EFTUD2: variants seen among roughly 807,000 people sequenced by gnomAD.
The protein encoded by EFTUD2 is 116 kDa U5 small nuclear ribonucleoprotein component.
In EFTUD2, 9 loss-of-function variants were observed where a neutral mutation model predicts 114.3. That is an observed-to-expected ratio of 0.08 (90% CI 0.05 to 0.14). The LOEUF (loss-of-function observed/expected upper bound fraction) is 0.14, where lower values mean the gene tolerates loss of function less well. Among genes scored for constraint, EFTUD2 ranks in the 10% least tolerant of loss-of-function variants. EFTUD2 has a pLI of 1.00. For missense variants in EFTUD2, 765 were observed against 1,241.2 expected (o/e 0.62, Z 5.76); for synonymous variants, 449 against 462.3 (o/e 0.97, Z 0.37).
chr17:44,874,198 C>T (rs745752467), intron 10 of EFTUD2, among the ~76,000 whole-genome samples: 1 of 151,830 alleles, frequency 6.6e-6, no homozygotes, highest in Non-Finnish European at 1.5e-5. Flanking sequence ...CATGCCAGCA[C>T]GCCAAGCTAA....
intron 10 of EFTUD2, 63 bp downstream of exon 10, chr17:44,875,871 G>A: frequency 6.4e-7 from 1 of 1,566,810 alleles, no homozygotes; most frequent in Non-Finnish European, 8.7e-7. Context: ...TGTTCCCAGA[G>A]GTATTCAGGG....
chr17:44,881,726 A>G lies in EFTUD2; in HGVS notation c.493-4T>C. ...AGAGGATGTCAGTATAGCACAGCTG[A>G]AAAAAAATTAACTGTTGTTACCACC... On this transcript the variant is annotated splice_polypyrimidine_tract_variant and splice_region_variant and intron_variant, in intron 6 of 27. Coordinates refer to ENST00000426333, the MANE Select transcript of EFTUD2 (RefSeq NM_004247.4). The G allele has an allele frequency of 6.2e-7, 1 of 1,612,576 alleles. No homozygotes were observed. The highest frequency in any genetic ancestry group is 8.5e-7 in the Non-Finnish European group (1 of 1,178,960).
intron 2 of EFTUD2, among the ~76,000 whole-genome samples, chr17:44,892,906 G>C (rs1009403339): frequency 6.6e-6 from 1 of 151,688 alleles, no homozygotes; most frequent in Non-Finnish European, 1.5e-5. Context: ...GGAATTACAG[G>C]CGTAAGCCAC....
intron 18 of EFTUD2, chr17:44,859,455 T>C (rs1431866892): frequency 5.5e-6 from 3 of 540,814 alleles, no homozygotes; most frequent in Admixed American, 3.1e-5. Context: ...CCTATACCCA[T>C]GGACATAAGC....
intron 9 of EFTUD2, among the ~76,000 whole-genome samples, chr17:44,878,455 T>C (rs777460919): frequency 6.6e-6 from 1 of 152,192 alleles, no homozygotes; most frequent in Non-Finnish European, 1.5e-5. Flanking sequence ...TGCATCACTC[T>C]GGATTAGGGG....
intron 14 of EFTUD2, 34 bp downstream of exon 14, chr17:44,864,896 T>C (rs763230305): frequency 6.2e-7 from 1 of 1,605,128 alleles, no homozygotes; most frequent in Non-Finnish European, 8.5e-7. Context: ...GGCACGAGGA[T>C]GACAGAGTTA....
At position 44,854,525 on chromosome 17, in the gene EFTUD2, C is replaced by A. The variant is rs371665518; in HGVS notation, c.2259+31G>T. ...TTCTTCCACTCCAGAGGTAAGAGAC[C>A]GCCACCCAGTTCCCATCAGTTCTGC... On this transcript the variant is annotated intron_variant, in intron 22 of 27. Transcript: ENST00000426333. This position sits in a 1 kb window ranked among gnomAD's most constrained non-coding sequence, Gnocchi z 4.3. 1 of 1,601,772 alleles carries A rather than the reference C, an allele frequency of 6.2e-7. No individual in the cohort carries two copies. The highest frequency in any genetic ancestry group is 1.3e-5 in the African/African-American group (1 of 74,508).
chr17:44,884,294 A>AT (rs991282906), intron 4 of EFTUD2: 3 of 152,014 alleles, frequency 2.0e-5, no homozygotes, highest in African/African-American at 7.2e-5. Context: ...AAGTGCTGGC[A>AT]TTACAAGCGT....
At chr17:44,896,311 T>A (rs1567758287) in intron 1 of EFTUD2, among the ~76,000 whole-genome samples, 1 of 152,226 alleles carries the variant, frequency 6.6e-6, no homozygotes, top group African/African-American at 2.4e-5. Flanking sequence ...TCTATCCTAC[T>A]AGAGCTTTTT....
chr17:44,868,975 G>A (rs1292056202), intron 11 of EFTUD2, among the ~76,000 whole-genome samples: 2 of 152,186 alleles, frequency 1.3e-5, no homozygotes, highest in East Asian at 3.9e-4. Flanking sequence ...TCAAGACGTT[G>A]GGTGACATCC....
At chr17:44,851,501 G>A in intron 27 of EFTUD2, 132 bp from the exon 28 acceptor site, 1 of 892,954 alleles carries the variant, frequency 1.1e-6, no homozygotes, top group African/African-American at 1.6e-5. Flanking sequence ...CAGGAGCCCT[G>A]CCTTTAGGGT....
intron 16 of EFTUD2, among the ~76,000 whole-genome samples, chr17:44,861,713 G>A (rs1198684790): frequency 6.6e-6 from 1 of 151,830 alleles, no homozygotes; most frequent in East Asian, 1.9e-4. Context: ...CAGGTTGGGC[G>A]ACAGAGTGAG....
chr17:44,871,097 G>T (rs1567741584), intron 11 of EFTUD2, among the ~76,000 whole-genome samples: 1 of 151,954 alleles, frequency 6.6e-6, no homozygotes, highest in Non-Finnish European at 1.5e-5. Context: ...GGAGTGCAAT[G>T]GTGCAATCAC....
chr17:44,871,028 G>T (rs1043831953), intron 11 of EFTUD2, among the ~76,000 whole-genome samples: 2 of 150,128 alleles, frequency 1.3e-5, no homozygotes, highest in African/African-American at 4.9e-5. Flanking sequence ...AAAAAAAAAA[G>T]AAAAAGAACC....
intron 2 of EFTUD2, 142 bp from the exon 3 acceptor site, chr17:44,886,892 A>G (rs940068330): frequency 9.3e-6 from 13 of 1,400,048 alleles, no homozygotes; most frequent in Admixed American, 6.8e-5. Context: ...GGGAGGTTCC[A>G]CTCCTTTGAG....
Position 44,881,595 on chromosome 17 carries a change from A to G in EFTUD2, c.528+92T>C. ...AGAGAGGAGTAGGATATGAACTAAAATGCTATCATAAAGGCTCCTCTACAT... is the reference window on the plus strand; with the variant it reads ...AGAGAGGAGTAGGATATGAACTAAAGTGCTATCATAAAGGCTCCTCTACAT... On this transcript the variant is annotated intron_variant, in intron 7 of 27. Transcript: ENST00000426333. 7.4e-6 allele frequency: 10 copies of G among 1,345,212 alleles called. 1 individual carries two copies. In the South Asian group the frequency reaches 9.4e-5, roughly 13 times the overall value. 83.3% of individuals were successfully genotyped at this position (1,345,212 alleles called of 1,614,324 possible).
At chr17:44,868,042 G>A (rs920505573) in intron 12 of EFTUD2, 145 bp from the exon 13 acceptor site, 2 of 917,642 alleles carry the variant, frequency 2.2e-6, no homozygotes, top group African/African-American at 3.4e-5. Flanking sequence ...ACAGATTCCT[G>A]GAAGGATACA....
At chr17:44,894,155 T>C (rs2145580823) in intron 2 of EFTUD2, 1 of 354,836 alleles carries the variant, frequency 2.8e-6, no homozygotes. Context: ...GCAGGTGGAC[T>C]GCTCGAGCTC....
At chr17:44,858,314 C>T (rs533748057) in intron 19 of EFTUD2, among the ~76,000 whole-genome samples, 49 of 152,294 alleles carry the variant, frequency 3.2e-4, no homozygotes, top group African/African-American at 1.1e-3. Flanking sequence ...TAGCTCACTG[C>T]AGCCTCGAAC....
Sources: allele counts gnomAD v4.1 joint callset (sites outside exome capture counted in the v4.1 genomes callset), GRCh38; gene constraint gnomAD v4.1.1; non-coding constraint Gnocchi (gnomAD v3.1); transcripts MANE v1.5; gene names NCBI Gene and HGNC (gene_info 2026-07-23, HGNC 2026-07-21).